PDE3A: variants seen among roughly 807,000 people sequenced by gnomAD.
The protein encoded by PDE3A is cGMP-inhibited 3',5'-cyclic phosphodiesterase 3A.
In PDE3A, 43 loss-of-function variants were observed where a neutral mutation model predicts 98.3. That is an observed-to-expected ratio of 0.44 (90% CI 0.34 to 0.56). The LOEUF (loss-of-function observed/expected upper bound fraction) is 0.56, where lower values mean the gene tolerates loss of function less well. Ranked by LOEUF, PDE3A falls within the 20% of genes least tolerant of loss-of-function variation. PDE3A has a pLI of 0.01. For missense variants in PDE3A, 1,427 were observed against 1,440.7 expected (o/e 0.99, Z 0.15); for synonymous variants, 663 against 567.9 (o/e 1.17, Z -2.38).
intron 15 of PDE3A, among the ~76,000 whole-genome samples, chr12:20,669,368 A>G (rs372838293): frequency 6.6e-5 from 10 of 151,810 alleles, no homozygotes; most frequent in Non-Finnish European, 7.4e-5. Flanking sequence ...GATACTCCTC[A>G]AGAAGAGCAA....
At chr12:20,417,609 T>C (rs1010610460) in intron 1 of PDE3A, among the ~76,000 whole-genome samples, 89 of 152,356 alleles carry the variant, frequency 5.8e-4, no homozygotes, top group African/African-American at 2.1e-3. Context: ...TAGCCAGAAC[T>C]GCTTTTGAAT....
chr12:20,566,697 T>C (rs1942667144), intron 2 of PDE3A, among the ~76,000 whole-genome samples: 1 of 151,828 alleles, frequency 6.6e-6, no homozygotes, highest in South Asian at 2.1e-4. Context: ...AAGTTGTCTA[T>C]CAAAGATGAT....
intron 1 of PDE3A, among the ~76,000 whole-genome samples, chr12:20,407,801 A>G (rs1168085067): frequency 6.6e-6 from 1 of 152,176 alleles, no homozygotes; most frequent in Non-Finnish European, 1.5e-5. Flanking sequence ...TTACATATCT[A>G]TATTGACTAC....
chr12:20,403,166 T>A (rs1944165779), intron 1 of PDE3A, among the ~76,000 whole-genome samples: 1 of 152,202 alleles, frequency 6.6e-6, no homozygotes. Context: ...TCTATCTTTA[T>A]CAACTTGAAT....
chr12:20,602,937 A>G (rs1943625711), intron 2 of PDE3A, among the ~76,000 whole-genome samples: 1 of 152,238 alleles, frequency 6.6e-6, no homozygotes, highest in South Asian at 2.1e-4. Context: ...GGTCAGAACC[A>G]GTAATGCACC....
At chr12:20,637,327 A>G in intron 9 of PDE3A, 90 bp downstream of exon 9, 2 of 913,890 alleles carry the variant, frequency 2.2e-6, no homozygotes, top group Admixed American at 2.8e-5. Flanking sequence ...ACACTTGTGG[A>G]TAGGTGTTAT....
At chr12:20,631,679 C>T (rs187346905) in intron 6 of PDE3A, among the ~76,000 whole-genome samples, 107 of 144,606 alleles carry the variant, frequency 7.4e-4, no homozygotes, top group Admixed American at 4.1e-3. Context: ...ACCACTCACG[C>T]AGCTTTTTTC....
At chr12:20,585,323 G>C (rs1015676000) in intron 2 of PDE3A, among the ~76,000 whole-genome samples, 1 of 152,090 alleles carries the variant, frequency 6.6e-6, no homozygotes, top group African/African-American at 2.4e-5. Context: ...GCCCAGAGTT[G>C]GTATTTTCCA....
At chr12:20,494,724 G>C (rs547996626) in intron 1 of PDE3A, among the ~76,000 whole-genome samples, 1 of 152,206 alleles carries the variant, frequency 6.6e-6, no homozygotes, top group Admixed American at 6.5e-5. Context: ...AATTGGAGTG[G>C]AAAGTAATAC....
At chr12:20,633,208 C>T (rs1041180876) in intron 6 of PDE3A, among the ~76,000 whole-genome samples, 3 of 152,058 alleles carry the variant, frequency 2.0e-5, no homozygotes, top group African/African-American at 7.2e-5. Flanking sequence ...GCCTTGGCCT[C>T]GAAAAGTGCT....
At chr12:20,551,793 G>C (rs1420484117) in intron 1 of PDE3A, 2 of 1,613,808 alleles carry the variant, frequency 1.2e-6, no homozygotes, top group East Asian at 4.5e-5. Flanking sequence ...AGATGGCCTC[G>C]GCCACATCGT....
In PDE3A at chr12:20,630,076, G is replaced by T. The variant is rs1333433552; in HGVS notation, c.1709G>T (p.Ser570Ile). 1.9e-6 allele frequency: 3 copies of T among 1,613,790 alleles called. No individual in the cohort carries two copies. The highest frequency in any genetic ancestry group is 2.5e-6 in the Non-Finnish European group (3 of 1,179,906). Residue 570 changes from serine (S) to isoleucine (I), a missense_variant, in exon 6 of 16, where the codon AGT (serine) becomes ATT (isoleucine). Around this residue, in one of 3 missense-constraint regions of PDE3A, gnomAD observed 1,012 missense variants for 886.5 expected, o/e 1.14. Transcript: ENST00000359062. The stretch of plus-strand genomic sequence containing the variant: ...CACAGGGCCTTAACTTACACTCAGA[G>T]TGCCCCAGACCTATCCCCTCAAATC... ...GSHRALTYTQ[S>I]APDLSPQILT... is the part of the protein sequence containing the mutation.
At chr12:20,572,308 A>G (rs1942818452) in intron 2 of PDE3A, 1 of 271,484 alleles carries the variant, frequency 3.7e-6, no homozygotes, top group East Asian at 1.2e-4. Context: ...TGTATTTATT[A>G]AATGTATTTT....
chr12:20,531,996 TCTGTACCTTGAAGTTCCAA>T (rs1360970588), intron 1 of PDE3A, among the ~76,000 whole-genome samples: 2 of 152,136 alleles, frequency 1.3e-5, no homozygotes, highest in Non-Finnish European at 2.9e-5. Context: ...AATGGATAGA[TCTGTACCTTGAAGTTCCAA>T]CTTCTGCCCT....
At chr12:20,668,340 G>A (rs1188764078) in intron 15 of PDE3A, among the ~76,000 whole-genome samples, 1 of 152,166 alleles carries the variant, frequency 6.6e-6, no homozygotes, top group Admixed American at 6.5e-5. Context: ...ACTGGGTGGA[G>A]CCCACCACAG....
intron 1 of PDE3A, among the ~76,000 whole-genome samples, chr12:20,527,305 C>T (rs1946542876): frequency 6.6e-6 from 1 of 152,126 alleles, no homozygotes; most frequent in African/African-American, 2.4e-5. Flanking sequence ...ATGAATGGAT[C>T]ACTCGTTTCT....
At chr12:20,645,041 A>G (rs895852660) in intron 10 of PDE3A, among the ~76,000 whole-genome samples, 1 of 151,428 alleles carries the variant, frequency 6.6e-6, no homozygotes, top group Admixed American at 6.6e-5. Flanking sequence ...GGTGCCCACC[A>G]CCACGCTCGG....
chr12:20,615,713 G>T (rs887908866), intron 3 of PDE3A, among the ~76,000 whole-genome samples: 5 of 151,584 alleles, frequency 3.3e-5, no homozygotes, highest in African/African-American at 1.2e-4. Flanking sequence ...GACCCTAAAA[G>T]GTTGGTTATG....
intron 1 of PDE3A, among the ~76,000 whole-genome samples, chr12:20,510,591 A>C (rs1946202944): frequency 6.6e-6 from 1 of 152,128 alleles, no homozygotes; most frequent in African/African-American, 2.4e-5. Context: ...CACAGGATGG[A>C]TTAGGCAAAG....
Sources: allele counts gnomAD v4.1 joint callset (sites outside exome capture counted in the v4.1 genomes callset), GRCh38; gene constraint gnomAD v4.1.1; regional missense constraint gnomAD v4.1.1; transcripts MANE v1.5; gene names NCBI Gene and HGNC (gene_info 2026-07-23, HGNC 2026-07-21).